The following SORBS3 variants were observed in gnomAD, a reference collection of about 807,000 sequenced individuals.
SORBS3 encodes the protein sorbin and SH3 domain containing 3.
A neutral mutation model predicts 98.0 loss-of-function variants in SORBS3; 69 were observed. The ratio of observed to expected loss-of-function variants is 0.70; its 90% confidence interval spans 0.58 to 0.86. The LOEUF (loss-of-function observed/expected upper bound fraction) is 0.86. Ranked by LOEUF, SORBS3 falls within the 40% of genes least tolerant of loss-of-function variation. The probability of loss-of-function intolerance (pLI) is 0.00; values close to 1 mark genes in which losing one functional copy is unlikely to be tolerated. For synonymous variants in SORBS3, 394 were observed against 355.4 expected, an observed-to-expected ratio of 1.11 and a Z score of -1.22; for missense variants, 954 against 908.5, an observed-to-expected ratio of 1.05 and a Z score of -0.64.
chr8:22,547,614 C>T (rs998453509), upstream of SORBS3, among the ~76,000 whole-genome samples: 2 of 152,202 alleles, frequency 1.3e-5, no homozygotes, highest in Non-Finnish European at 2.9e-5. Flanking sequence ...TTTCCCAGCT[C>T]CTGGGTCTGT....
chr8:22,558,730 G>A (rs1003916999), intron 5 of SORBS3, among the ~76,000 whole-genome samples: 6 of 152,224 alleles, frequency 3.9e-5, no homozygotes, highest in Non-Finnish European at 8.8e-5. Context: ...AAAGGGCTAG[G>A]GAAAAATAAA....
chr8:22,572,462 G>T lies in SORBS3; in HGVS notation c.1954+16G>T. On this transcript the variant is annotated intron_variant, in intron 20 of 20. Coordinates refer to ENST00000240123, the MANE Select transcript of SORBS3 (RefSeq NM_005775.5). ...TGGTTTGTGGGTATGTGGGCAGGCC[G>T]GGAGGGGGCATCTCAGGGCCCCAGG... The T allele has an allele frequency of 1.3e-6, 2 of 1,592,614 alleles. No homozygotes were observed. Among genetic ancestry groups the T allele is most frequent in the Non-Finnish European group, 8.6e-7 (1 of 1,161,056 alleles).
chr8:22,547,552 C>T (rs139403757), upstream of SORBS3, among the ~76,000 whole-genome samples: 32 of 152,314 alleles, frequency 2.1e-4, 1 homozygote, highest in African/African-American at 7.5e-4. Context: ...GCCCTCTTAT[C>T]CTACCCATCG....
rs769223596 is a variant in SORBS3, at chr8:22,570,899, T to C, written c.1432-11T>C. The stretch of plus-strand genomic sequence containing the variant: ...GGAAGGCCCCACAGACACTGACTTT[T>C]CCCCCCTCAGGGAGAGCACATCTGC... On this transcript the variant is annotated splice_polypyrimidine_tract_variant and intron_variant, in intron 17 of 20. Transcript: ENST00000240123. 14 of 1,576,802 alleles carry C rather than the reference T, an allele frequency of 8.9e-6. No individual in the cohort carries two copies. Among genetic ancestry groups the C allele is most frequent in the Middle Eastern group, 1.7e-4 (1 of 5,918 alleles).
intron 16 of SORBS3, among the ~76,000 whole-genome samples, chr8:22,567,659 A>G (rs1840461188): frequency 3.3e-5 from 5 of 152,166 alleles, no homozygotes; most frequent in Admixed American, 2.6e-4. Context: ...AAGATCCAGA[A>G]TCTGAATCCA....
In SORBS3 at chr8:22,554,676, G is replaced by T. The variant is rs1396132489; in HGVS notation, c.102+68G>T. 8 of 1,506,864 alleles carry T rather than the reference G, an allele frequency of 5.3e-6. No homozygotes were observed. The highest frequency in any genetic ancestry group is 5.0e-5 in the South Asian group (4 of 80,302). 93.3% of individuals were successfully genotyped at this position (1,506,864 alleles called of 1,614,324 possible). ...GTTGGTTGGGACGCTAGCAGGTCAGGTGGGGGCAGGAGGATGAAAGGGATG... is the reference window on the plus strand; with the variant it reads ...GTTGGTTGGGACGCTAGCAGGTCAGTTGGGGGCAGGAGGATGAAAGGGATG... On this transcript the variant is annotated intron_variant, in intron 2 of 20. Coordinates refer to ENST00000240123, the MANE Select transcript of SORBS3 (RefSeq NM_005775.5). This position sits in a 1 kb window ranked among gnomAD's most constrained non-coding sequence, Gnocchi z 6.5.
chr8:22,558,770 A>AG (rs1289703879), intron 5 of SORBS3, among the ~76,000 whole-genome samples: 1 of 152,216 alleles, frequency 6.6e-6, no homozygotes, highest in Non-Finnish European at 1.5e-5. Context: ...CCATGCAGGG[A>AG]GGCTGCTCCT....
intron 19 of SORBS3, 88 bp downstream of exon 19, chr8:22,571,909 C>T (rs1043753844): frequency 6.2e-6 from 6 of 973,472 alleles, no homozygotes; most frequent in Middle Eastern, 2.1e-4. Context: ...CAAGTCCCCA[C>T]CTGTGGATTT....
chr8:22,550,254 C>G (rs1840061116), upstream of SORBS3, among the ~76,000 whole-genome samples: 2 of 152,232 alleles, frequency 1.3e-5, no homozygotes, highest in African/African-American at 4.8e-5. Flanking sequence ...ATCCCCATCT[C>G]TCCGCCTTCC....
chr8:22,570,073 A>T (rs1488179506), intron 17 of SORBS3, among the ~76,000 whole-genome samples: 1 of 152,208 alleles, frequency 6.6e-6, no homozygotes, highest in African/African-American at 2.4e-5. Context: ...TTGTGGTGAA[A>T]CAAGTTTGAA....
At chr8:22,565,750 T>C in intron 11 of SORBS3, 76 bp from the exon 12 acceptor site, 1 of 1,277,436 alleles carries the variant, frequency 7.8e-7, no homozygotes, top group Non-Finnish European at 9.9e-7. Context: ...AGCCGCGAAC[T>C]TTTCCGGAGG....
chr8:22,554,530 C>T lies in SORBS3; in HGVS notation c.24C>T (p.Leu8=), dbSNP rs756180273. ...GCATGCAGGGCCCACCCCGCAGCCT[C>T]CGCGCTGGGCTCAGCCTGGACGACT... MQGPPRS[L]RAGLSLDDFI... is the part of the protein sequence containing the mutation. Residue 8 remains leucine, a synonymous_variant, in exon 2 of 21, where the codon CTC becomes CTT. Coordinates refer to ENST00000240123, the MANE Select transcript of SORBS3 (RefSeq NM_005775.5). This position sits in a 1 kb window ranked among gnomAD's most constrained non-coding sequence, Gnocchi z 6.5. 7 of 1,612,488 alleles carry T rather than the reference C, an allele frequency of 4.3e-6. No individual in the cohort carries two copies. The East Asian group carries it at 1.6e-4, about 36-fold the overall frequency.
rs547406151 is a variant in SORBS3 at position 22,561,103 on chromosome 8, C to T, written c.479-232C>T. ...GGAGGGAGGAGCAGGAGGGCTTGGG[C>T]AAGGCGGCTGCCCGCTTGGCTCGCT... On this transcript the variant is annotated intron_variant, in intron 5 of 20. Coordinates refer to ENST00000240123, the MANE Select transcript of SORBS3 (RefSeq NM_005775.5). 55 of 471,494 alleles carry T rather than the reference C, an allele frequency of 1.2e-4. 1 individual carries two copies. The South Asian group carries it at 2.1e-3, about 18-fold the overall frequency. 29.2% of individuals were successfully genotyped at this position (471,494 alleles called of 1,614,324 possible).
Position 22,566,653 on chromosome 8 carries a change from C to T in SORBS3, c.1091-8C>T, listed in dbSNP as rs1840429832. The T allele has an allele frequency of 1.3e-6, 2 of 1,598,792 alleles. No individual in the cohort carries two copies. Among genetic ancestry groups the T allele is most frequent in the Non-Finnish European group, 1.7e-6 (2 of 1,174,824 alleles). On this transcript the variant is annotated splice_polypyrimidine_tract_variant and splice_region_variant and intron_variant, in intron 13 of 20. Transcript: ENST00000240123. Reference sequence around the variant, plus strand: ...GCCTCCCCAAGCTGAGGTTGTGCTTCTCCACAGACCCTAGTGCCTCTAACG... The same window carrying T: ...GCCTCCCCAAGCTGAGGTTGTGCTTTTCCACAGACCCTAGTGCCTCTAACG...
chr8:22,567,460 G>C (rs145410379), intron 16 of SORBS3, among the ~76,000 whole-genome samples: 17 of 152,364 alleles, frequency 1.1e-4, no homozygotes, highest in Non-Finnish European at 2.2e-4. Flanking sequence ...TTCTAAAGCT[G>C]TCTTTGGAAA....
rs575294896 is a variant in SORBS3 at position 22,556,869 on chromosome 8, G to C, written c.375G>C (p.Gly125=). The change falls in exon 4 of 21, where the codon GGG becomes GGC. Residue 125 remains glycine, a synonymous_variant. Transcript: ENST00000240123. ...DKRWVKYEGI[G]PVDESGMPIA... ...GCTGGGTCAAGTACGAGGGAATCGG[G>C]CCCGTGGACGAGAGCGGCATGCCCA... 6.2e-6 allele frequency: 10 copies of C among 1,613,358 alleles called. No individual in the cohort carries two copies. Among genetic ancestry groups the C allele is most frequent in the Non-Finnish European group, 8.5e-6 (10 of 1,180,044 alleles).
rs758228825 is a variant in SORBS3 at position 22,554,818 on chromosome 8, C to T, written c.103-45C>T. 47 of 1,459,838 alleles carry T rather than the reference C, an allele frequency of 3.2e-5. 1 individual carries two copies. The highest frequency in any genetic ancestry group is 4.6e-5 in the South Asian group (4 of 86,890). 90.4% of individuals were successfully genotyped at this position (1,459,838 alleles called of 1,614,324 possible). A position where few individuals can be genotyped will look rare whatever the true frequency, so the allele number is the denominator to read the frequency against. The stretch of plus-strand genomic sequence containing the variant: ...GTGCCTAGTAGCCATCCCTCCCTCC[C>T]GCCCTGCTGGGCCCTGAGCTGCCGC... On this transcript the variant is annotated intron_variant, in intron 2 of 20. Transcript: ENST00000240123. This position sits in a 1 kb window ranked among gnomAD's most constrained non-coding sequence, Gnocchi z 6.5.
At chr8:22,564,917 C>T in intron 10 of SORBS3, 1 of 1,289,562 alleles carries the variant, frequency 7.8e-7, no homozygotes, top group Non-Finnish European at 9.9e-7. Flanking sequence ...CCTGGATGGG[C>T]ACAGTGAAGC....
intron 1 of SORBS3, among the ~76,000 whole-genome samples, chr8:22,545,568 C>G (rs1032383541): frequency 8.5e-5 from 13 of 152,248 alleles, no homozygotes; most frequent in African/African-American, 3.1e-4. Context: ...TTGGCAAGAC[C>G]TGCTAAATAA....
Sources: allele counts gnomAD v4.1 joint callset (sites outside exome capture counted in the v4.1 genomes callset), GRCh38; gene constraint gnomAD v4.1.1; non-coding constraint Gnocchi (gnomAD v3.1); transcripts MANE v1.5; gene names NCBI Gene and HGNC (gene_info 2026-07-23, HGNC 2026-07-21).